The following PCDH15 variants were observed in gnomAD, a reference collection of about 807,000 sequenced individuals.
PCDH15 encodes protocadherin-15.
In PCDH15, 129 loss-of-function variants were observed where a neutral mutation model predicts 178.5. That is an observed-to-expected ratio of 0.72 (90% CI 0.63 to 0.84). PCDH15 has a LOEUF of 0.84. Ranked by LOEUF, PCDH15 falls within the 40% of genes least tolerant of loss-of-function variation. PCDH15 has a pLI of 0.00. For synonymous variants in PCDH15, 800 were observed against 732.0 expected, an observed-to-expected ratio of 1.09 and a Z score of -1.50; for missense variants, 2,230 against 2,099.9, an observed-to-expected ratio of 1.06 and a Z score of -1.21.
intron 2 of PCDH15, among the ~76,000 whole-genome samples, chr10:55,007,545 G>A (rs1373959058): frequency 1.3e-5 from 2 of 151,632 alleles, no homozygotes; most frequent in Non-Finnish European, 2.9e-5. Context: ...TATCTAGAGG[G>A]TAGGTAGTAA....
chr10:54,895,244 AG>A (rs1372165062), intron 3 of PCDH15, among the ~76,000 whole-genome samples: 1 of 152,048 alleles, frequency 6.6e-6, no homozygotes, highest in Non-Finnish European at 1.5e-5. Flanking sequence ...TCAACCGTGA[AG>A]GGCCCATCTA....
chr10:54,344,205 A>AT (rs1369134216), intron 6 of PCDH15, among the ~76,000 whole-genome samples: 2 of 152,068 alleles, frequency 1.3e-5, no homozygotes, highest in Non-Finnish European at 2.9e-5. Context: ...ATGTCTTACT[A>AT]TTTTTTCCAC....
At chr10:55,576,410 G>T (rs1234420331) in intron 2 of PCDH15, among the ~76,000 whole-genome samples, 2 of 152,212 alleles carry the variant, frequency 1.3e-5, no homozygotes, top group South Asian at 4.1e-4. Flanking sequence ...GGGTGGCAGA[G>T]GTGAAAGAAA....
At chr10:55,384,026 T>C (rs1018973170) in intron 2 of PCDH15, among the ~76,000 whole-genome samples, 1 of 152,188 alleles carries the variant, frequency 6.6e-6, no homozygotes, top group African/African-American at 2.4e-5. Flanking sequence ...TCTCAGTAAA[T>C]TGTATATTTA....
intron 2 of PCDH15, among the ~76,000 whole-genome samples, chr10:54,949,037 T>C (rs1838264509): frequency 6.6e-6 from 1 of 151,952 alleles, no homozygotes; most frequent in Non-Finnish European, 1.5e-5. Context: ...AATCTAGTGA[T>C]AATTTTGTAA....
At chr10:54,693,338 C>T (rs2095163544) in intron 1 of PCDH15, among the ~76,000 whole-genome samples, 1 of 151,956 alleles carries the variant, frequency 6.6e-6, no homozygotes. Flanking sequence ...CATTTAAATT[C>T]TAAAGGATTC....
intron 17 of PCDH15, among the ~76,000 whole-genome samples, chr10:54,072,990 A>G (rs2094273922): frequency 6.6e-6 from 1 of 152,150 alleles, no homozygotes; most frequent in Non-Finnish European, 1.5e-5. Context: ...TGTGACCCAG[A>G]TTACATCTAT....
chr10:55,169,630 T>C (rs1406095860), intron 1 of PCDH15, among the ~76,000 whole-genome samples: 1 of 152,190 alleles, frequency 6.6e-6, no homozygotes, highest in Non-Finnish European at 1.5e-5. Flanking sequence ...AATACTTTGA[T>C]TTGTGAAGCC....
chr10:54,877,632 A>T (rs1954170051), intron 3 of PCDH15, among the ~76,000 whole-genome samples: 1 of 152,180 alleles, frequency 6.6e-6, no homozygotes, highest in African/African-American at 2.4e-5. Context: ...ATATATGCAC[A>T]TACAAACTAG....
rs759127233 is a variant in PCDH15 at position 54,329,623 on chromosome 10, A to C, written c.678T>G (p.Thr226=). The C allele has an allele frequency of 1.4e-5, 22 of 1,602,764 alleles. No individual in the cohort carries two copies. The highest frequency in any genetic ancestry group is 1.9e-5 in the Non-Finnish European group (22 of 1,170,062). The part of the protein sequence containing the change: ...LRKRLNYEDK[T]RYFVIIQAND... ...TAGCTTGGATTATGACAAAGTAGCGAGTCTTATCTTCATAGTTGAGCCTCT... is the reference window on the plus strand; with the variant it reads ...TAGCTTGGATTATGACAAAGTAGCGCGTCTTATCTTCATAGTTGAGCCTCT... Residue 226 remains threonine (T), a synonymous_variant, in exon 7 of 38, where the codon ACT becomes ACG. Transcript: ENST00000644397.
At chr10:54,319,627 C>T (rs2133708041) in intron 7 of PCDH15, among the ~76,000 whole-genome samples, 1 of 152,072 alleles carries the variant, frequency 6.6e-6, no homozygotes, top group South Asian at 2.1e-4. Flanking sequence ...TACCAAATGC[C>T]ATTGAATTGT....
chr10:53,925,525 A>C (rs980075688), intron 25 of PCDH15, among the ~76,000 whole-genome samples: 1 of 152,154 alleles, frequency 6.6e-6, no homozygotes, highest in African/African-American at 2.4e-5. Context: ...AGAACCCACC[A>C]ATTCCAGACA....
chr10:54,980,504 C>A (rs1384487703), intron 2 of PCDH15, among the ~76,000 whole-genome samples: 1 of 151,900 alleles, frequency 6.6e-6, no homozygotes, highest in Non-Finnish European at 1.5e-5. Flanking sequence ...AAGTATTCTG[C>A]ATTTAGTAAC....
chr10:54,813,930 T>A (rs551699604), intron 3 of PCDH15, among the ~76,000 whole-genome samples: 2 of 152,320 alleles, frequency 1.3e-5, no homozygotes, highest in South Asian at 4.1e-4. Context: ...ACCTACATTT[T>A]AGTGATTCTG....
intron 8 of PCDH15, among the ~76,000 whole-genome samples, chr10:54,240,343 A>G (rs1008674081): frequency 6.6e-6 from 1 of 152,030 alleles, no homozygotes; most frequent in Admixed American, 6.5e-5. Context: ...AAAAAGTAGT[A>G]TATAGTAGTA....
intron 8 of PCDH15, among the ~76,000 whole-genome samples, chr10:54,289,118 G>C (rs1275416167): frequency 2.6e-5 from 4 of 152,176 alleles, no homozygotes; most frequent in Non-Finnish European, 5.9e-5. Flanking sequence ...AGTACGGGCT[G>C]ACAGACACCT....
chr10:53,970,054 C>A (rs2089505248), intron 21 of PCDH15, among the ~76,000 whole-genome samples: 1 of 152,128 alleles, frequency 6.6e-6, no homozygotes, highest in Non-Finnish European at 1.5e-5. Flanking sequence ...AATTAAAAGA[C>A]ACAGACTGGC....
chr10:54,612,917 A>G (rs79075878), intron 2 of PCDH15, among the ~76,000 whole-genome samples: 1 of 151,786 alleles, frequency 6.6e-6, no homozygotes, highest in Non-Finnish European at 1.5e-5. Flanking sequence ...AGGCAATAGC[A>G]TGAATAGATG....
At chr10:54,361,823 T>C (rs995518080) in intron 5 of PCDH15, among the ~76,000 whole-genome samples, 1 of 152,126 alleles carries the variant, frequency 6.6e-6, no homozygotes, top group Non-Finnish European at 1.5e-5. Context: ...ATTTTCAAAA[T>C]CGCATGGAAT....
Sources: allele counts gnomAD v4.1 joint callset (sites outside exome capture counted in the v4.1 genomes callset), GRCh38; gene constraint gnomAD v4.1.1; transcripts MANE v1.5; gene names NCBI Gene and HGNC (gene_info 2026-07-23, HGNC 2026-07-21).